Variants in MYO18B observed in about 807,000 individuals in gnomAD.
MYO18B encodes the protein unconventional myosin-XVIIIb.
A neutral mutation model predicts 273.0 loss-of-function variants in MYO18B; 204 were observed. That is an observed-to-expected ratio of 0.75 (90% CI 0.67 to 0.84). The LOEUF (loss-of-function observed/expected upper bound fraction) is 0.84, where lower values mean the gene tolerates loss of function less well. Among genes scored for constraint, MYO18B ranks in the 40% least tolerant of loss-of-function variants. The pLI is 0.00. For synonymous variants in MYO18B, 1,330 were observed against 1,305.7 expected (o/e 1.02, Z -0.40); for missense variants, 3,212 against 3,287.6 (o/e 0.98, Z 0.56).
chr22:25,872,621 T>C (rs1232516624), intron 22 of MYO18B, among the ~76,000 whole-genome samples: 1 of 152,182 alleles, frequency 6.6e-6, no homozygotes, highest in Non-Finnish European at 1.5e-5. Flanking sequence ...GGAAAATAAA[T>C]CCTGGTGTTG....
chr22:25,968,285 C>T (rs1367776481), intron 39 of MYO18B, among the ~76,000 whole-genome samples: 1 of 152,198 alleles, frequency 6.6e-6, no homozygotes, highest in African/African-American at 2.4e-5. Flanking sequence ...ATGCCCAGCC[C>T]TGAATCCAGG....
intron 21 of MYO18B, among the ~76,000 whole-genome samples, chr22:25,853,077 C>G (rs1159216337): frequency 6.6e-6 from 1 of 152,158 alleles, no homozygotes; most frequent in African/African-American, 2.4e-5. Flanking sequence ...GTTCATGTAC[C>G]TTACACAGGT....
In MYO18B at chr22:25,902,734, A is replaced by C. The variant is rs781780977; in HGVS notation, c.4945A>C (p.Lys1649Gln). Reference sequence around the variant, plus strand: ...GCTAGGCCAGCTTCAGCAGCAGCTGAAGGTAAGGGATGGGGGACACAGAGC... The same window carrying C: ...GCTAGGCCAGCTTCAGCAGCAGCTGCAGGTAAGGGATGGGGGACACAGAGC... ...WELGQLQQQL[K>Q]QKEQEASQLK... Residue 1649 changes from lysine to glutamine, a missense_variant and splice_region_variant, in exon 30 of 44, where the codon AAG (lysine) becomes CAG (glutamine). Lys to Gln is a moderately conservative substitution (Grantham distance 53). Coordinates refer to ENST00000335473, the MANE Select transcript of MYO18B (RefSeq NM_032608.7). 2 of 1,579,674 alleles carry C rather than the reference A, an allele frequency of 1.3e-6. No individual in the cohort carries two copies. Among genetic ancestry groups the C allele is most frequent in the South Asian group, 2.3e-5 (2 of 86,102 alleles).
At chr22:25,922,099 G>A (rs2092356613) in intron 34 of MYO18B, among the ~76,000 whole-genome samples, 1 of 152,164 alleles carries the variant, frequency 6.6e-6, no homozygotes, top group South Asian at 2.1e-4. Context: ...CAGGATTGCT[G>A]AGTGAGGTGA....
chr22:25,820,992 T>C (rs1043218725), intron 12 of MYO18B, among the ~76,000 whole-genome samples: 8 of 152,254 alleles, frequency 5.3e-5, no homozygotes, highest in Non-Finnish European at 1.0e-4. Context: ...CATGTTGCCA[T>C]GAATGACAAG....
intron 21 of MYO18B, among the ~76,000 whole-genome samples, chr22:25,858,586 T>C (rs1253115237): frequency 6.6e-6 from 1 of 152,194 alleles, no homozygotes; most frequent in Non-Finnish European, 1.5e-5. Flanking sequence ...TCTTGAACAT[T>C]GGAGAGAAAG....
rs1027329293 is a variant in MYO18B at position 25,777,118 on chromosome 22, T to C, written c.1870-465T>C. 1.2e-4 allele frequency among the ~76,000 whole-genome samples: 19 copies of C among 152,208 alleles called. 1 individual carries two copies. The highest frequency in any genetic ancestry group is 2.1e-4 in the Non-Finnish European group (14 of 68,042). On this transcript the variant is annotated intron_variant, in intron 7 of 43. Transcript: ENST00000335473. ...GAATGAATGGATGAAGCAGATACGG[T>C]TTTAGTTATCACCTAAATCTGTTAT...
intron 15 of MYO18B, among the ~76,000 whole-genome samples, 170 bp from the exon 16 acceptor site, chr22:25,832,747 A>G (rs747515233): frequency 6.6e-6 from 1 of 152,050 alleles, no homozygotes; most frequent in African/African-American, 2.4e-5. Flanking sequence ...ACTTAAAATG[A>G]CTAAAATGGT....
intron 11 of MYO18B, among the ~76,000 whole-genome samples, chr22:25,787,247 T>G (rs886945267): frequency 1.2e-4 from 17 of 146,006 alleles, no homozygotes; most frequent in East Asian, 1.0e-3. Flanking sequence ...AAAAAATTGC[T>G]AAGCCTGTGT....
In MYO18B at chr22:25,835,366, A is replaced by C. The variant is rs377045010; in HGVS notation, c.3131A>C (p.His1044Pro). 4 of 1,613,870 alleles carry C rather than the reference A, an allele frequency of 2.5e-6. No individual in the cohort carries two copies. Among genetic ancestry groups the C allele is most frequent in the Admixed American group, 1.7e-5 (1 of 60,002 alleles). ...GLFWVLDEEV[H>P]VEGSSDSVVL... Reference sequence around the variant, plus strand: ...TTCTGGGTCTTAGATGAGGAAGTCCATGTAGAGGGCTCCAGTGACAGTGTG... The same window carrying C: ...TTCTGGGTCTTAGATGAGGAAGTCCCTGTAGAGGGCTCCAGTGACAGTGTG... Residue 1044 changes from histidine to proline, a missense_variant, in exon 17 of 44, where the codon CAT becomes CCT. Transcript: ENST00000335473.
chr22:25,843,394 G>A (rs1174060708), intron 17 of MYO18B, among the ~76,000 whole-genome samples: 2 of 152,090 alleles, frequency 1.3e-5, no homozygotes, highest in Non-Finnish European at 2.9e-5. Flanking sequence ...TGAATGTACT[G>A]TACTTGTGAA....
chr22:25,817,047 A>G (rs972978468), intron 12 of MYO18B, among the ~76,000 whole-genome samples: 1 of 152,226 alleles, frequency 6.6e-6, no homozygotes, highest in Non-Finnish European at 1.5e-5. Flanking sequence ...TTGAACTCAT[A>G]GTGGGTGGGG....
At chr22:25,763,803 A>C (rs935504210) in intron 3 of MYO18B, among the ~76,000 whole-genome samples, 1 of 152,228 alleles carries the variant, frequency 6.6e-6, no homozygotes, top group African/African-American at 2.4e-5. Flanking sequence ...TGAATGAATA[A>C]ATGATATTCA....
chr22:25,768,508 A>G lies in MYO18B; in HGVS notation c.592A>G (p.Thr198Ala), dbSNP rs773252573. Reference protein sequence around the residue: ...GKEKKGETSRTPCGSQASTEI... With the variant: ...GKEKKGETSRAPCGSQASTEI... The stretch of plus-strand genomic sequence containing the variant: ...GGAAAAGAAAGGGGAGACCTCTAGG[A>G]CTCCTTGTGGCTCCCAGGCCAGCAC... Residue 198 changes from threonine to alanine, a missense_variant, in exon 4 of 44, where the codon ACT becomes GCT. By Grantham distance (58) the Thr-to-Ala change is moderately conservative. Transcript: ENST00000335473. 6.3e-7 allele frequency: 1 copy of G among 1,590,350 alleles called. No individual in the cohort carries two copies. The highest frequency in any genetic ancestry group is 1.2e-5 in the South Asian group (1 of 86,812).
At chr22:25,937,584 T>C (rs6004840) in intron 34 of MYO18B, among the ~76,000 whole-genome samples, 3,239 of 71,040 alleles carry the variant, frequency 0.046, 106 homozygotes, top group African/African-American at 0.14. Flanking sequence ...GGCCTGACAT[T>C]CTTTTTTTTT....
At chr22:25,785,755 G>A (rs2087356852) in intron 11 of MYO18B, among the ~76,000 whole-genome samples, 1 of 152,210 alleles carries the variant, frequency 6.6e-6, no homozygotes, top group Non-Finnish European at 1.5e-5. Context: ...CCCCAGCTCT[G>A]ACACTTGTTA....
At position 25,846,272 on chromosome 22, in the gene MYO18B, A is replaced by C. The variant is rs1438269077; in HGVS notation, c.3541A>C (p.Lys1181Gln). The C allele has an allele frequency of 6.2e-7, 1 of 1,611,540 alleles. No individual in the cohort carries two copies. The highest frequency in any genetic ancestry group is 1.1e-5 in the South Asian group (1 of 90,944). The stretch of plus-strand genomic sequence containing the variant: ...GAGGAAAGCCCCGTGCTCCCAGATC[A>C]AGCTGCAGATGGTGAGTGGGCACCC... ...VRRKAPCSQI[K>Q]LQMDALTSMI... The change falls in exon 19 of 44, where the codon AAG (lysine) becomes CAG (glutamine). Residue 1181 changes from lysine to glutamine, a missense_variant. By Grantham distance (53) the Lys-to-Gln change is moderately conservative. Coordinates refer to ENST00000335473, the MANE Select transcript of MYO18B (RefSeq NM_032608.7).
rs1230905888 is a variant in MYO18B, at chr22:25,903,941, G to A, written c.5148+110G>A. The A allele has an allele frequency of 2.6e-6, 3 of 1,169,330 alleles. No homozygotes were observed. In the African/African-American group the frequency reaches 4.7e-5, roughly 18 times the overall value. The allele number at this position is 1,169,330 out of a possible 1,614,324, so 72.4% of individuals were successfully genotyped here. ...ACTTGGCTGCTCCTCATCCTTCAAT[G>A]GCTCCCTATTATCCCAGGGAACCTT... On this transcript the variant is annotated intron_variant, in intron 31 of 43. Transcript: ENST00000335473.
chr22:26,023,732 C>T (rs956511045), intron 42 of MYO18B, among the ~76,000 whole-genome samples: 2 of 152,206 alleles, frequency 1.3e-5, no homozygotes, highest in African/African-American at 4.8e-5. Context: ...CGCCTCCTTT[C>T]AGGGCCAGGA....
Sources: gnomAD v4.1 joint callset for allele counts (sites outside exome capture counted in the v4.1 genomes callset) on GRCh38, gnomAD v4.1.1 for gene constraint, MANE v1.5 for transcripts, NCBI Gene and HGNC (gene_info 2026-07-23, HGNC 2026-07-21) for gene names.